TRABD2A: variants seen among roughly 807,000 people sequenced by gnomAD.
TRABD2A encodes TraB domain containing 2A.
In TRABD2A, 43 loss-of-function variants were observed where a neutral mutation model predicts 45.6. That is an observed-to-expected ratio of 0.94 (90% CI 0.74 to 1.22). The LOEUF (loss-of-function observed/expected upper bound fraction) is 1.22, where lower values mean the gene tolerates loss of function less well. Ranked by LOEUF, TRABD2A falls within the 50% of genes most tolerant of loss-of-function variation. The pLI, the probability that TRABD2A is intolerant of heterozygous loss-of-function variation, is 0.00. For synonymous variants in TRABD2A, 269 were observed against 265.0 expected, an observed-to-expected ratio of 1.02 and a Z score of -0.15; for missense variants, 642 against 652.4, an observed-to-expected ratio of 0.98 and a Z score of 0.17.
intron 2 of TRABD2A, among the ~76,000 whole-genome samples, chr2:84,859,519 A>G (rs1014547853): frequency 1.3e-5 from 2 of 152,268 alleles, no homozygotes; most frequent in African/African-American, 4.8e-5. Context: ...CAGCCACCGC[A>G]TGGAAGCAAA....
In TRABD2A at chr2:84,823,252, C is replaced by T. The variant is rs1681048071; in HGVS notation, c.1334+701G>A. Among the ~76,000 whole-genome samples, 7 of 152,270 alleles carry T rather than the reference C, an allele frequency of 4.6e-5. No homozygotes were observed. The South Asian group carries it at 1.5e-3, about 32-fold the overall frequency. On this transcript the variant is annotated intron_variant, in intron 6 of 6. Transcript: ENST00000409520. Reference sequence around the variant, plus strand: ...GCACCACAAACACACACACCCACAGCAGCTTACACTTCCACTGCAGATTAT... The same window carrying T: ...GCACCACAAACACACACACCCACAGTAGCTTACACTTCCACTGCAGATTAT...
chr2:84,865,976 G>A (rs1290724440), intron 2 of TRABD2A, among the ~76,000 whole-genome samples: 1 of 152,220 alleles, frequency 6.6e-6, no homozygotes, highest in East Asian at 1.9e-4. Context: ...AAGGAGAACA[G>A]GAGTCATAAC....
rs1683179115 is a variant in TRABD2A at position 84,880,833 on chromosome 2, G to A, written c.108+99C>T. On this transcript the variant is annotated intron_variant, in intron 1 of 6. Transcript: ENST00000409520. ...AGGTGAAAGCCCAGCCGCGGAAGTC[G>A]GCTCGGGGTCCGAAAGCGCTGCTTC... is the stretch of plus-strand genomic sequence containing the variant. The A allele has an allele frequency of 5.3e-6, 8 of 1,514,990 alleles. No homozygotes were observed. The South Asian group carries it at 6.1e-5, about 12-fold the overall frequency. The allele number at this position is 1,514,990 out of a possible 1,614,324, so 93.8% of individuals were successfully genotyped here. A position where few individuals can be genotyped will look rare whatever the true frequency, so the allele number is the denominator to read the frequency against.
intron 2 of TRABD2A, among the ~76,000 whole-genome samples, chr2:84,846,576 G>C (rs570168107): frequency 1.6e-4 from 25 of 152,204 alleles, no homozygotes; most frequent in Non-Finnish European, 3.4e-4. Flanking sequence ...AGTGGTCGCT[G>C]TATGTCCAAA....
At chr2:84,822,351 T>C (rs901172443) in intron 6 of TRABD2A, among the ~76,000 whole-genome samples, 16 of 152,234 alleles carry the variant, frequency 1.1e-4, no homozygotes, top group Non-Finnish European at 2.1e-4. Context: ...TTTGGCTCTT[T>C]ATTCAAAGAT....
intron 2 of TRABD2A, among the ~76,000 whole-genome samples, chr2:84,848,407 C>CAG (rs1559090646): frequency 7.1e-6 from 1 of 141,442 alleles, no homozygotes; most frequent in Non-Finnish European, 1.5e-5. Flanking sequence ...GACAGACAGA[C>CAG]AGACAGATAG....
intron 2 of TRABD2A, among the ~76,000 whole-genome samples, chr2:84,868,313 A>T (rs1276590367): frequency 6.6e-6 from 1 of 152,092 alleles, no homozygotes; most frequent in African/African-American, 2.4e-5. Flanking sequence ...GGAAACCATC[A>T]TTCTCAGCAA....
chr2:84,878,085 A>G (rs567992315), intron 1 of TRABD2A, among the ~76,000 whole-genome samples: 5 of 152,340 alleles, frequency 3.3e-5, no homozygotes, highest in African/African-American at 1.2e-4. Flanking sequence ...GGCAGATGGT[A>G]GTGGTGGCAG....
chr2:84,879,724 C>T (rs1215821015), intron 1 of TRABD2A: 1 of 429,658 alleles, frequency 2.3e-6, no homozygotes, highest in Non-Finnish European at 3.1e-6. Context: ...GAAACCATGC[C>T]TGGTGCAGAC....
intron 2 of TRABD2A, 94 bp from the exon 3 acceptor site, chr2:84,842,101 G>T (rs1398054730): frequency 4.5e-6 from 6 of 1,325,588 alleles, no homozygotes; most frequent in Non-Finnish European, 6.0e-6. Flanking sequence ...CTTCACCTTT[G>T]TGCTCGTTAT....
chr2:84,863,400 A>G (rs1242662800), intron 2 of TRABD2A, among the ~76,000 whole-genome samples: 1 of 150,630 alleles, frequency 6.6e-6, no homozygotes, highest in Non-Finnish European at 1.5e-5. Flanking sequence ...GCCAGCCATC[A>G]CGCCCGGCTA....
chr2:84,845,283 C>T (rs768269978), intron 2 of TRABD2A, among the ~76,000 whole-genome samples: 10 of 152,178 alleles, frequency 6.6e-5, no homozygotes, highest in African/African-American at 1.2e-4. Flanking sequence ...ACCTGGGAGG[C>T]AGAGGTTGCA....
At chr2:84,826,512 A>T (rs1230186589) in intron 5 of TRABD2A, among the ~76,000 whole-genome samples, 2 of 152,206 alleles carry the variant, frequency 1.3e-5, no homozygotes, top group East Asian at 3.8e-4. Flanking sequence ...ACAAGGTTCC[A>T]AGAAGGATTC....
chr2:84,824,324 G>A, intron 5 of TRABD2A, 120 bp from the exon 6 acceptor site: 1 of 1,371,192 alleles, frequency 7.3e-7, no homozygotes, highest in Non-Finnish European at 9.8e-7. Flanking sequence ...GTTCAAGCTG[G>A]CCAGGAAGGG....
At position 84,824,083 on chromosome 2, in the gene TRABD2A, G is replaced by C. The variant is rs548830847; in HGVS notation, c.1204C>G (p.Leu402Val). The C allele has an allele frequency of 4.0e-5, 65 of 1,613,896 alleles. No individual in the cohort carries two copies. The African/African-American group carries it at 8.5e-4, about 21-fold the overall frequency. ...TCGGCACTTCCAGGCCGGGACACAA[G>C]GGGAGGCAGCGTTGAGTGCCCTGAG... ...VSSGHSTLPP[L>V]VSRPGSADTP... The change falls in exon 6 of 7, where the codon CTT (leucine) becomes GTT (valine). Residue 402 changes from leucine to valine, a missense_variant. By Grantham distance (32) the Leu-to-Val change is conservative. Coordinates refer to ENST00000409520, the MANE Select transcript of TRABD2A (RefSeq NM_001277053.2).
At chr2:84,874,156 A>G (rs1393501119) in intron 1 of TRABD2A, among the ~76,000 whole-genome samples, 1 of 152,234 alleles carries the variant, frequency 6.6e-6, no homozygotes, top group Non-Finnish European at 1.5e-5. Flanking sequence ...TCTGTTCAGT[A>G]TGCATCCATT....
intron 2 of TRABD2A, among the ~76,000 whole-genome samples, chr2:84,850,070 G>A (rs377557225): frequency 1.4e-4 from 22 of 152,220 alleles, no homozygotes; most frequent in East Asian, 1.9e-4. Flanking sequence ...CTCTAATGCC[G>A]TCTTGCCAAG....
intron 2 of TRABD2A, among the ~76,000 whole-genome samples, chr2:84,869,704 G>A (rs1682805764): frequency 6.6e-6 from 1 of 152,218 alleles, no homozygotes; most frequent in Non-Finnish European, 1.5e-5. Context: ...TATGGGCCAG[G>A]CACAGTGGCT....
intron 2 of TRABD2A, among the ~76,000 whole-genome samples, chr2:84,863,300 A>G (rs1682560424): frequency 7.8e-6 from 1 of 128,340 alleles, no homozygotes; most frequent in Non-Finnish European, 1.5e-5. Context: ...GCTGGAGTGC[A>G]GTGGCGCAAT....
Sources: gnomAD v4.1 joint callset for allele counts (sites outside exome capture counted in the v4.1 genomes callset) on GRCh38, gnomAD v4.1.1 for gene constraint, MANE v1.5 for transcripts, NCBI Gene and HGNC (gene_info 2026-07-23, HGNC 2026-07-21) for gene names.